HTR1E: variants seen among roughly 807,000 people sequenced by gnomAD.
HTR1E encodes 5-hydroxytryptamine receptor 1E, also known as 5-HT-1E.
HTR1E carries 3 observed loss-of-function variants against 3.4 expected under a neutral mutation model. That is an observed-to-expected ratio of 0.89 (90% CI 0.41 to 2.31). HTR1E has a LOEUF of 2.31. Among genes scored for constraint, HTR1E ranks in the 30% most tolerant of loss-of-function variants. The pLI is 0.05. For synonymous variants in HTR1E, 170 were observed against 182.8 expected, an observed-to-expected ratio of 0.93 and a Z score of 0.56; for missense variants, 392 against 467.0, an observed-to-expected ratio of 0.84 and a Z score of 1.48.
chr6:86,942,438 T>C (rs956942993), intron 1 of HTR1E, among the ~76,000 whole-genome samples: 1 of 152,210 alleles, frequency 6.6e-6, no homozygotes, highest in Non-Finnish European at 1.5e-5. Flanking sequence ...ACACAAGAAT[T>C]TGATATACAG....
intron 1 of HTR1E, among the ~76,000 whole-genome samples, chr6:86,973,512 C>T (rs1352523966): frequency 2.0e-5 from 3 of 152,148 alleles, no homozygotes; most frequent in Admixed American, 1.3e-4. Flanking sequence ...AGATAGAGCA[C>T]TGTAACCACA....
At chr6:86,981,402 C>T (rs561812221) in intron 1 of HTR1E, among the ~76,000 whole-genome samples, 5 of 152,234 alleles carry the variant, frequency 3.3e-5, no homozygotes, top group South Asian at 4.1e-4. Flanking sequence ...TTAGGATTTC[C>T]GTGAATTGCA....
chr6:86,942,811 A>C (rs1768563598), intron 1 of HTR1E, among the ~76,000 whole-genome samples: 1 of 152,234 alleles, frequency 6.6e-6, no homozygotes, highest in African/African-American at 2.4e-5. Flanking sequence ...GGAGAACCAG[A>C]CTGTACTGAC....
Position 87,009,886 on chromosome 6 carries a change from G to C in HTR1E, c.-185-5264G>C, listed in dbSNP as rs571159023. ...GGGGCGGCTGGCCGGGCGGGGGGCCGACCTCCCCACCTCCCTCCCGGACGG... is the reference window on the plus strand; with the variant it reads ...GGGGCGGCTGGCCGGGCGGGGGGCCCACCTCCCCACCTCCCTCCCGGACGG... On this transcript the variant is annotated intron_variant, in intron 1 of 1. Coordinates refer to ENST00000305344, the MANE Select transcript of HTR1E (RefSeq NM_000865.3). Among the ~76,000 whole-genome samples the C allele has an allele frequency of 6.5e-3, 674 of 103,258 alleles. 43 individuals carry two copies. Among genetic ancestry groups the C allele is most frequent in the African/African-American group, 0.029 (634 of 22,210 alleles). The allele number at this position is 103,258 out of a possible 152,430, so 67.7% of individuals were successfully genotyped here.
In HTR1E at chr6:87,015,553, G is replaced by A. The variant is rs752071731; in HGVS notation, c.219G>A (p.Val73=). 4 of 1,612,620 alleles carry A rather than the reference G, an allele frequency of 2.5e-6. No homozygotes were observed. Among genetic ancestry groups the A allele is most frequent in the Non-Finnish European group, 3.4e-6 (4 of 1,179,134 alleles). The change falls in exon 2 of 2, where the codon GTG becomes GTA. Residue 73 remains valine (V), a synonymous_variant. Transcript: ENST00000305344. ...CCGTGACGGACCTCCTGGTGGCAGTGCTCGTCATGCCCCTGAGCATCATCT... is the reference window on the plus strand; with the variant it reads ...CCGTGACGGACCTCCTGGTGGCAGTACTCGTCATGCCCCTGAGCATCATCT... ...SLAVTDLLVA[V]LVMPLSIIYI...
At chr6:86,967,295 G>A (rs964839508) in intron 1 of HTR1E, among the ~76,000 whole-genome samples, 2 of 152,040 alleles carry the variant, frequency 1.3e-5, no homozygotes, top group Non-Finnish European at 2.9e-5. Context: ...CATTTCAAAA[G>A]GGCACCATTA....
intron 1 of HTR1E, among the ~76,000 whole-genome samples, chr6:86,972,380 C>T (rs1347967922): frequency 6.6e-6 from 1 of 152,048 alleles, no homozygotes; most frequent in East Asian, 1.9e-4. Context: ...AAAAAGGTTA[C>T]CTAAACTGAG....
rs61735411 is a variant in HTR1E, at chr6:87,016,194, G to C, written c.860G>C (p.Arg287Pro). ...CAGCAGATCTCTAGCACCAGGGAAC[G>C]GAAGGCAGCACGCATCCTGGGGCTG... The part of the protein sequence containing the change: ...ERQQISSTRE[R>P]KAARILGLIL... The change falls in exon 2 of 2, where the codon CGG becomes CCG. Residue 287 changes from arginine (R) to proline (P), a missense_variant. By Grantham distance (103) the Arg-to-Pro change is moderately radical (BLOSUM62 -2). Coordinates refer to ENST00000305344, the MANE Select transcript of HTR1E (RefSeq NM_000865.3). 4 of 1,614,024 alleles carry C rather than the reference G, an allele frequency of 2.5e-6. No individual in the cohort carries two copies. Among genetic ancestry groups the C allele is most frequent in the Non-Finnish European group, 3.4e-6 (4 of 1,180,044 alleles).
At chr6:86,959,399 T>G (rs944838836) in intron 1 of HTR1E, among the ~76,000 whole-genome samples, 42 of 151,986 alleles carry the variant, frequency 2.8e-4, no homozygotes, top group African/African-American at 9.9e-4. Context: ...GGCAACATGA[T>G]GAAACCCTGT....
At position 87,010,378 on chromosome 6, in the gene HTR1E, C is replaced by A. The variant is rs1462094378; in HGVS notation, c.-185-4772C>A. Among the ~76,000 whole-genome samples the A allele has an allele frequency of 1.2e-3, 165 of 138,080 alleles. No homozygotes were observed. The East Asian group carries it at 0.033, about 27-fold the overall frequency. 90.6% of individuals were successfully genotyped at this position (138,080 alleles called of 152,430 possible). A position where few individuals can be genotyped will look rare whatever the true frequency, so the allele number is the denominator to read the frequency against. On this transcript the variant is annotated intron_variant, in intron 1 of 1. Transcript: ENST00000305344. ...CCGGGCGGGGGGCTGACCCCCCCATCTCCCTCCCGGACGGGGTGGCTGGCC... is the reference window on the plus strand; with the variant it reads ...CCGGGCGGGGGGCTGACCCCCCCATATCCCTCCCGGACGGGGTGGCTGGCC...
intron 1 of HTR1E, among the ~76,000 whole-genome samples, chr6:86,953,942 C>T (rs1320574574): frequency 1.3e-5 from 2 of 152,058 alleles, no homozygotes; most frequent in African/African-American, 4.8e-5. Flanking sequence ...AACCAGATCT[C>T]GTGAGAACTC....
intron 1 of HTR1E, among the ~76,000 whole-genome samples, chr6:86,947,233 T>C (rs943771098): frequency 6.6e-6 from 1 of 152,188 alleles, no homozygotes; most frequent in African/African-American, 2.4e-5. Flanking sequence ...ATTATTTTAA[T>C]TTTCTGGCAT....
chr6:87,010,386 C>A (rs1360517397), intron 1 of HTR1E, among the ~76,000 whole-genome samples: 2 of 134,472 alleles, frequency 1.5e-5, no homozygotes, highest in Admixed American at 7.4e-5. Context: ...ATCTCCCTCC[C>A]GGACGGGGTG....
At position 86,951,423 on chromosome 6, in the gene HTR1E, C is replaced by A. The variant is rs59078437; in HGVS notation, c.-186+13600C>A. On this transcript the variant is annotated intron_variant, in intron 1 of 1. Coordinates refer to ENST00000305344, the MANE Select transcript of HTR1E (RefSeq NM_000865.3). ...AAATCAATTTAAATGGCATAACTTT[C>A]AAACTAGACTTCTGAAAGACTTTAT... Among the ~76,000 whole-genome samples the A allele has an allele frequency of 6.5e-3, 992 of 152,284 alleles. 10 individuals carry two copies. The highest frequency in any genetic ancestry group is 0.022 in the African/African-American group (930 of 41,562).
chr6:86,977,351 A>G (rs1480172609), intron 1 of HTR1E, among the ~76,000 whole-genome samples: 1 of 152,156 alleles, frequency 6.6e-6, no homozygotes, highest in Non-Finnish European at 1.5e-5. Flanking sequence ...CCATGTTGCT[A>G]CAAAGGATAT....
intron 1 of HTR1E, among the ~76,000 whole-genome samples, chr6:86,944,676 T>C (rs76361403): frequency 0.022 from 3,356 of 152,274 alleles, 132 homozygotes; most frequent in African/African-American, 0.077. Context: ...AATAACAGAC[T>C]TACCAGGATA....
In HTR1E at chr6:87,004,123, C is replaced by T. The variant is rs562156943; in HGVS notation, c.-185-11027C>T. 2.0e-5 allele frequency among the ~76,000 whole-genome samples: 3 copies of T among 152,252 alleles called. No homozygotes were observed. In the South Asian group the frequency reaches 6.2e-4, roughly 32 times the overall value. ...AGATAAAACCTGTAATAAAAATTCT[C>T]CCAGCAAAGGAAAATCCAGGATGTG... is the stretch of plus-strand genomic sequence containing the variant. On this transcript the variant is annotated intron_variant, in intron 1 of 1. Coordinates refer to ENST00000305344, the MANE Select transcript of HTR1E (RefSeq NM_000865.3).
At chr6:86,967,296 G>A (rs2127821721) in intron 1 of HTR1E, among the ~76,000 whole-genome samples, 2 of 151,890 alleles carry the variant, frequency 1.3e-5, no homozygotes, top group East Asian at 3.9e-4. Flanking sequence ...ATTTCAAAAG[G>A]GCACCATTAT....
intron 1 of HTR1E, among the ~76,000 whole-genome samples, chr6:86,972,942 G>GAT (rs1767580464): frequency 6.6e-6 from 1 of 152,156 alleles, no homozygotes; most frequent in African/African-American, 2.4e-5. Flanking sequence ...AGGCAGATTA[G>GAT]GTAAACAGCC....
Sources: allele counts gnomAD v4.1 joint callset (sites outside exome capture counted in the v4.1 genomes callset), GRCh38; gene constraint gnomAD v4.1.1; transcripts MANE v1.5; gene names NCBI Gene and HGNC (gene_info 2026-07-23, HGNC 2026-07-21).